DNAH17: variants seen among roughly 807,000 people sequenced by gnomAD.
The protein encoded by DNAH17 is axonemal beta dynein heavy chain 17.
A neutral mutation model predicts 485.6 loss-of-function variants in DNAH17; 376 were observed. The observed-to-expected ratio is 0.77, with a 90% CI of 0.71 to 0.84. DNAH17 has a LOEUF of 0.84. DNAH17 is among the 40% of genes least tolerant of loss of function. The pLI is 0.00. For synonymous variants in DNAH17, 3,031 were observed against 2,405.9 expected (o/e 1.26, Z -7.60); for missense variants, 6,370 against 5,839.3 (o/e 1.09, Z -2.96).
chr17:78,428,754 G>C, intron 76 of DNAH17, 47 bp from the exon 77 acceptor site: 5 of 1,603,190 alleles, frequency 3.1e-6, no homozygotes, highest in Non-Finnish European at 4.3e-6. Flanking sequence ...TGTGCAGGCT[G>C]AAACCCATGT....
rs773153640 is a variant in DNAH17, at chr17:78,561,822, G to A, written c.1728C>T (p.Pro576=). 1.2e-6 allele frequency: 2 copies of A among 1,613,796 alleles called. No homozygotes were observed. The highest frequency in any genetic ancestry group is 2.7e-5 in the African/African-American group (2 of 74,938). Residue 576 remains proline (P), a synonymous_variant, in exon 12 of 81, where the codon CCC becomes CCT. Transcript: ENST00000389840. ...QMAASEEGNI[P]LIHKNMPPVA... ...CGGGAGGCATGTTTTTGTGGATCAG[G>A]GGGATGTTCCCCTCCTCGGAGGCCG...
chr17:78,525,311 G>A, intron 24 of DNAH17, 150 bp from the exon 25 acceptor site: 3 of 1,242,866 alleles, frequency 2.4e-6, no homozygotes, highest in East Asian at 2.6e-5. Flanking sequence ...CACCTGGAGG[G>A]AGGACAGAGC....
chr17:78,450,513 C>A, intron 67 of DNAH17, 119 bp from the exon 68 acceptor site: 1 of 1,459,404 alleles, frequency 6.9e-7, no homozygotes, highest in South Asian at 1.3e-5. Flanking sequence ...CTCTCAGCAG[C>A]AGCTGGGTGC....
chr17:78,523,242 G>A (rs1193011739), intron 25 of DNAH17, among the ~76,000 whole-genome samples: 4 of 151,900 alleles, frequency 2.6e-5, no homozygotes, highest in South Asian at 2.1e-4. Flanking sequence ...TGCAACCTCC[G>A]CCTCCCGAGT....
At chr17:78,468,580 T>TGGGCTCTTG (rs1160601780) in intron 55 of DNAH17, 37 bp downstream of exon 55, 4 of 1,595,916 alleles carry the variant, frequency 2.5e-6, no homozygotes, top group Non-Finnish European at 3.4e-6. Flanking sequence ...GGCACCAAGC[T>TGGGCTCTTG]GGGCTCTTGA....
intron 48 of DNAH17, among the ~76,000 whole-genome samples, chr17:78,484,350 C>T (rs1248297774): frequency 6.6e-6 from 1 of 152,020 alleles, no homozygotes; most frequent in East Asian, 1.9e-4. Flanking sequence ...GCAATCTCTC[C>T]ACCCAGAATG....
intron 73 of DNAH17, among the ~76,000 whole-genome samples, chr17:78,438,444 A>AGGAGGG (rs1568050755): frequency 3.8e-5 from 1 of 26,170 alleles, no homozygotes; most frequent in Non-Finnish European, 8.1e-5. Context: ...GAGGAGGAGG[A>AGGAGGG]GGGAGGAGGG....
In DNAH17 at chr17:78,560,955, G is replaced by GC. The variant is rs1568257215; in HGVS notation, c.1836-21dup. The GC allele has an allele frequency of 7.1e-6, 11 of 1,541,196 alleles. No individual in the cohort carries two copies. In the South Asian group the frequency reaches 1.1e-4, roughly 15 times the overall value. ...ATGACCCTGGAATCAGAGCGGGAAG[G>GC]CGAGGCCCCACTGGATATCTCCTGT... On this transcript the variant is annotated intron_variant, in intron 12 of 80. Transcript: ENST00000389840.
Position 78,445,628 on chromosome 17 carries a change from C to T in DNAH17, c.11264G>A (p.Arg3755Gln), listed in dbSNP as rs547772692. The change falls in exon 70 of 81, where the codon CGG (arginine) becomes CAG (glutamine). Residue 3755 changes from arginine (R) to glutamine (Q), a missense_variant. Physicochemically the swap from Arg to Gln is conservative, Grantham distance 43 (BLOSUM62 1). Coordinates refer to ENST00000389840, the MANE Select transcript of DNAH17 (RefSeq NM_173628.4). ...GACCACTCCGGCCTTAAAAGGGAAC[C>T]GCAGGAGGAAATCCAGCTCCACTGG... ...LNPVELDFLL[R>Q]FPFKAGVVSP... is the part of the protein sequence containing the mutation. 25 of 1,570,116 alleles carry T rather than the reference C, an allele frequency of 1.6e-5. No homozygotes were observed. Among genetic ancestry groups the T allele is most frequent in the Admixed American group, 5.6e-5 (3 of 53,246 alleles).
chr17:78,510,513 GA>G lies in DNAH17; in HGVS notation c.4114-8del, dbSNP rs746960296. 14 of 1,612,430 alleles carry G rather than the reference GA, an allele frequency of 8.7e-6. No individual in the cohort carries two copies. The highest frequency in any genetic ancestry group is 3.3e-5 in the South Asian group (3 of 90,824). ...CTGACATTTTAAATTTCACCTAAGG[GA>G]AAAAAATCCAGGCAGGATTCATTTC... On this transcript the variant is annotated splice_polypyrimidine_tract_variant and splice_region_variant and intron_variant, in intron 26 of 80. Transcript: ENST00000389840.
intron 2 of DNAH17, 39 bp from the exon 3 acceptor site, chr17:78,572,933 T>C: frequency 6.3e-7 from 1 of 1,584,250 alleles, no homozygotes. Flanking sequence ...CCCCTGTGCC[T>C]TCACCAGCTC....
chr17:78,484,050 C>T (rs1368176580), intron 48 of DNAH17, among the ~76,000 whole-genome samples: 2 of 119,982 alleles, frequency 1.7e-5, no homozygotes, highest in African/African-American at 6.5e-5. Flanking sequence ...AAGCCAAGAT[C>T]GAGCCATTGC....
At chr17:78,433,122 G>T (rs1344494316) in intron 75 of DNAH17, among the ~76,000 whole-genome samples, 1 of 152,192 alleles carries the variant, frequency 6.6e-6, no homozygotes, top group Non-Finnish European at 1.5e-5. Context: ...CGAGAGTGAG[G>T]AGGAGGACCC....
chr17:78,532,269 C>T (rs1257827163), intron 20 of DNAH17, among the ~76,000 whole-genome samples: 1 of 152,198 alleles, frequency 6.6e-6, no homozygotes, highest in Non-Finnish European at 1.5e-5. Flanking sequence ...CTGATGCTAC[C>T]CCGTGCAGGC....
chr17:78,490,873 G>T, intron 43 of DNAH17, 26 bp from the exon 44 acceptor site: 1 of 1,568,704 alleles, frequency 6.4e-7, no homozygotes, highest in Non-Finnish European at 8.7e-7. Context: ...CAGCCCGTGG[G>T]GTCCTAAGGC....
rs888823405 is a variant in DNAH17 at position 78,543,801 on chromosome 17, C to T, written c.2532+56G>A. ...AAATCTCCAGCCCTGGGTTTACTCT[C>T]TCCTCCCTGCTAAAAGCAAGTGGGT... On this transcript the variant is annotated intron_variant, in intron 17 of 80. Coordinates refer to ENST00000389840, the MANE Select transcript of DNAH17 (RefSeq NM_173628.4). 6 of 1,612,434 alleles carry T rather than the reference C, an allele frequency of 3.7e-6. No homozygotes were observed. The African/African-American group carries it at 4.0e-5, about 11-fold the overall frequency.
At chr17:78,515,378 G>A (rs2090753549) in intron 25 of DNAH17, among the ~76,000 whole-genome samples, 1 of 152,116 alleles carries the variant, frequency 6.6e-6, no homozygotes, top group Admixed American at 6.5e-5. Context: ...GTGTGGTGGT[G>A]CACACCTGTA....
At chr17:78,444,483 G>A (rs1341341245) in intron 71 of DNAH17, 121 bp downstream of exon 71, 1 of 923,368 alleles carries the variant, frequency 1.1e-6, no homozygotes, top group Non-Finnish European at 1.6e-6. Flanking sequence ...GTAAAATGGG[G>A]AGAAGAAAAA....
rs2090177776 is a variant in DNAH17, at chr17:78,499,040, A to G, written c.5713T>C (p.Ser1905Pro). The G allele has an allele frequency of 6.2e-7, 1 of 1,610,912 alleles. No homozygotes were observed. Residue 1905 changes from serine to proline, a missense_variant, in exon 37 of 81, where the codon TCA (serine) becomes CCA (proline). Coordinates refer to ENST00000389840, the MANE Select transcript of DNAH17 (RefSeq NM_173628.4). ...GCAATCACAGACAAGACTTCCACTG[A>G]GATGCGATTAAACTCGTCAAAGCAG... ...WGCFDEFNRI[S>P]VEVLSVIAVQ... is the part of the protein sequence containing the mutation.
Sources: allele counts gnomAD v4.1 joint callset (sites outside exome capture counted in the v4.1 genomes callset), GRCh38; gene constraint gnomAD v4.1.1; transcripts MANE v1.5; gene names NCBI Gene and HGNC (gene_info 2026-07-23, HGNC 2026-07-21).